The following RASAL2 variants were observed in gnomAD, a reference collection of about 807,000 sequenced individuals.
RASAL2 encodes the protein ras GTPase-activating protein nGAP.
RASAL2 carries 58 observed loss-of-function variants against 128.9 expected under a neutral mutation model. That is an observed-to-expected ratio of 0.45 (90% CI 0.36 to 0.56). The LOEUF (loss-of-function observed/expected upper bound fraction) is 0.56, where lower values mean the gene tolerates loss of function less well. Ranked by LOEUF, RASAL2 falls within the 20% of genes least tolerant of loss-of-function variation. The pLI, the probability that RASAL2 is intolerant of heterozygous loss-of-function variation, is 0.00. For missense variants in RASAL2, 1,360 were observed against 1,601.6 expected, an observed-to-expected ratio of 0.85 and a Z score of 2.57; for synonymous variants, 561 against 580.8, an observed-to-expected ratio of 0.97 and a Z score of 0.49.
At chr1:178,453,810 A>C (rs1677566400) in intron 11 of RASAL2, among the ~76,000 whole-genome samples, 1 of 152,150 alleles carries the variant, frequency 6.6e-6, no homozygotes. Flanking sequence ...TGAAGAAAAA[A>C]ATTGGAACTT....
Position 178,451,724 on chromosome 1 carries a change from A to T in RASAL2, c.1772+9A>T. ...ATCATCAACTCTTACTGGTGAGCTT[A>T]TCTTATCCTCTGCCTTACATTTTTT... On this transcript the variant is annotated intron_variant, in intron 10 of 17. Transcript: ENST00000367649. 1 of 1,610,786 alleles carries T rather than the reference A, an allele frequency of 6.2e-7. No homozygotes were observed. The highest frequency in any genetic ancestry group is 8.5e-7 in the Non-Finnish European group (1 of 1,178,758).
chr1:178,214,573 T>C lies in RASAL2; in HGVS notation c.203-68991T>C, dbSNP rs1484374154. The stretch of plus-strand genomic sequence containing the variant: ...CCTGGACTATGTATTTTTTTTTTTT[T>C]TTTGAGACAGAGTCTCGCTCTGTCG... On this transcript the variant is annotated intron_variant, in intron 1 of 17. Coordinates refer to ENST00000367649, the MANE Select transcript of RASAL2 (RefSeq NM_170692.4). 2.0e-5 allele frequency among the ~76,000 whole-genome samples: 3 copies of C among 151,806 alleles called. No homozygotes were observed. In the East Asian group the frequency reaches 5.8e-4, roughly 29 times the overall value.
intron 1 of RASAL2, among the ~76,000 whole-genome samples, chr1:178,167,769 G>A (rs1249521408): frequency 6.6e-6 from 1 of 151,342 alleles, no homozygotes; most frequent in Non-Finnish European, 1.5e-5. Flanking sequence ...TGGTTTGCCT[G>A]CATGTTTTTT....
chr1:178,438,771 T>C (rs12048790), intron 5 of RASAL2, among the ~76,000 whole-genome samples: 15,801 of 151,970 alleles, frequency 0.1, 878 homozygotes, highest in Middle Eastern at 0.14. Context: ...CATGCTTATA[T>C]AGTAAAGCAT....
intron 3 of RASAL2, among the ~76,000 whole-genome samples, chr1:178,330,335 T>C (rs1669235270): frequency 6.6e-6 from 1 of 152,212 alleles, no homozygotes; most frequent in African/African-American, 2.4e-5. Context: ...CTGTCCTGCA[T>C]ACCTGAGAAA....
At chr1:178,264,318 A>C (rs1474352864) in intron 1 of RASAL2, among the ~76,000 whole-genome samples, 1 of 152,224 alleles carries the variant, frequency 6.6e-6, no homozygotes, top group Non-Finnish European at 1.5e-5. Flanking sequence ...TATTTTAAAT[A>C]ACTCATGTAT....
intron 12 of RASAL2, 131 bp downstream of exon 12, chr1:178,454,779 G>T (rs563173458): frequency 1.4e-6 from 1 of 707,568 alleles, no homozygotes; most frequent in Non-Finnish European, 2.3e-6. Context: ...AGAGTAAATG[G>T]TCATCATTTC....
intron 1 of RASAL2, among the ~76,000 whole-genome samples, chr1:178,136,479 G>A (rs758763211): frequency 2.2e-4 from 33 of 152,142 alleles, no homozygotes; most frequent in Non-Finnish European, 4.6e-4. Context: ...GACTTGGCCA[G>A]GTGTGGTGGC....
chr1:178,232,697 A>T (rs561953556), intron 1 of RASAL2, among the ~76,000 whole-genome samples: 1 of 152,300 alleles, frequency 6.6e-6, no homozygotes, highest in East Asian at 1.9e-4. Context: ...ACTTTGAGAG[A>T]TGTAGTATAA....
chr1:178,259,119 CTTCTTT>C (rs1665528267), intron 1 of RASAL2, among the ~76,000 whole-genome samples: 1 of 126,968 alleles, frequency 7.9e-6, no homozygotes, highest in South Asian at 2.5e-4. Context: ...GGCAATGAAA[CTTCTTT>C]TTTTTTTTTT....
intron 3 of RASAL2, among the ~76,000 whole-genome samples, chr1:178,367,512 A>G (rs568596560): frequency 7.9e-5 from 12 of 152,246 alleles, no homozygotes; most frequent in South Asian, 2.1e-4. Context: ...CTCCCTGAGG[A>G]CAGAGATTTT....
intron 1 of RASAL2, among the ~76,000 whole-genome samples, chr1:178,146,483 A>G (rs998652985): frequency 6.6e-6 from 1 of 152,268 alleles, no homozygotes; most frequent in African/African-American, 2.4e-5. Flanking sequence ...GAGATGCTCA[A>G]AAAATACTGG....
chr1:178,211,707 T>C (rs1190937107), intron 1 of RASAL2, among the ~76,000 whole-genome samples: 3 of 152,194 alleles, frequency 2.0e-5, no homozygotes, highest in Non-Finnish European at 4.4e-5. Context: ...CCTAGGAAAA[T>C]TGACTTTTTT....
chr1:178,439,602 A>ATTG (rs1557990228), intron 6 of RASAL2, 27 bp downstream of exon 6: 2 of 1,603,126 alleles, frequency 1.2e-6, no homozygotes, highest in African/African-American at 1.3e-5. Context: ...GAAAAAAGGA[A>ATTG]GAGTAGTTAA....
chr1:178,215,884 A>G (rs948990037), intron 1 of RASAL2, among the ~76,000 whole-genome samples: 1 of 152,196 alleles, frequency 6.6e-6, no homozygotes, highest in Non-Finnish European at 1.5e-5. Context: ...TTATGAATAT[A>G]TTACTTATAT....
At chr1:178,133,601 T>C (rs1205578742) in intron 1 of RASAL2, among the ~76,000 whole-genome samples, 1 of 152,128 alleles carries the variant, frequency 6.6e-6, no homozygotes, top group South Asian at 2.1e-4. Flanking sequence ...TTTTGAAAAT[T>C]TGTCTGATAT....
intron 1 of RASAL2, among the ~76,000 whole-genome samples, chr1:178,221,001 G>A (rs1031970094): frequency 2.0e-5 from 3 of 152,192 alleles, no homozygotes; most frequent in South Asian, 4.1e-4. Context: ...CTGCCAAATC[G>A]TCTTTTAAAG....
intron 1 of RASAL2, among the ~76,000 whole-genome samples, chr1:178,159,421 C>T (rs779568093): frequency 2.6e-5 from 4 of 152,070 alleles, no homozygotes; most frequent in Non-Finnish European, 4.4e-5. Flanking sequence ...AGAGTAGTGC[C>T]AAGACTTTCT....
intron 1 of RASAL2, among the ~76,000 whole-genome samples, chr1:178,105,527 G>A (rs1300781575): frequency 6.6e-6 from 1 of 152,016 alleles, no homozygotes; most frequent in Non-Finnish European, 1.5e-5. Flanking sequence ...TGTTTAATTC[G>A]GGCAGGATAG....
Sources: allele counts gnomAD v4.1 joint callset (sites outside exome capture counted in the v4.1 genomes callset), GRCh38; gene constraint gnomAD v4.1.1; transcripts MANE v1.5; gene names NCBI Gene and HGNC (gene_info 2026-07-23, HGNC 2026-07-21).